The following NPEPPS variants were observed in gnomAD, a reference collection of about 807,000 sequenced individuals.
NPEPPS encodes the protein puromycin-sensitive aminopeptidase.
A neutral mutation model predicts 115.5 loss-of-function variants in NPEPPS; 14 were observed. The observed-to-expected ratio is 0.12, with a 90% CI of 0.08 to 0.19. The LOEUF is 0.19. Ranked by LOEUF, NPEPPS falls within the 10% of genes least tolerant of loss-of-function variation. The pLI is 1.00. For synonymous variants in NPEPPS, 285 were observed against 390.6 expected, an observed-to-expected ratio of 0.73 and a Z score of 3.19; for missense variants, 523 against 1,110.8, an observed-to-expected ratio of 0.47 and a Z score of 7.52.
chr17:47,578,017 C>T (rs1372873069), intron 3 of NPEPPS, among the ~76,000 whole-genome samples: 2 of 151,934 alleles, frequency 1.3e-5, no homozygotes, highest in Non-Finnish European at 2.9e-5. Flanking sequence ...ACCAGCTGGC[C>T]AACATGGCAA....
At chr17:47,558,973 G>A (rs571018681) in intron 2 of NPEPPS, among the ~76,000 whole-genome samples, 4 of 152,024 alleles carry the variant, frequency 2.6e-5, no homozygotes, top group Admixed American at 6.6e-5. Context: ...GGCGGACGGA[G>A]GTTGCAGTGA....
chr17:47,594,989 G>T (rs536044378), intron 12 of NPEPPS, among the ~76,000 whole-genome samples: 84 of 151,842 alleles, frequency 5.5e-4, no homozygotes, highest in African/African-American at 1.8e-3. Flanking sequence ...GAGTGCAGTG[G>T]TGCAGTCTTG....
intron 1 of NPEPPS, among the ~76,000 whole-genome samples, chr17:47,544,835 C>G (rs1158561584): frequency 6.9e-6 from 1 of 144,360 alleles, no homozygotes; most frequent in Non-Finnish European, 1.5e-5. Flanking sequence ...GCCCCTGCAT[C>G]GTGAGTAGCT....
At chr17:47,549,769 A>G (rs1451534000) in intron 2 of NPEPPS, among the ~76,000 whole-genome samples, 1 of 140,912 alleles carries the variant, frequency 7.1e-6, no homozygotes, top group Non-Finnish European at 1.5e-5. Context: ...CGACAGAGCA[A>G]GACTCTGTCT....
intron 1 of NPEPPS, among the ~76,000 whole-genome samples, chr17:47,535,549 C>CAAAAA (rs1002859470): frequency 4.5e-5 from 4 of 88,946 alleles, no homozygotes; most frequent in Admixed American, 1.2e-4. Flanking sequence ...GGCTCCGTCT[C>CAAAAA]AAAAAAAAAA....
upstream of NPEPPS, among the ~76,000 whole-genome samples, chr17:47,528,393 C>T (rs1907524524): frequency 6.6e-6 from 1 of 152,144 alleles, no homozygotes; most frequent in Non-Finnish European, 1.5e-5. Context: ...GGCCCCATCT[C>T]ACACCTTAGT....
intron 19 of NPEPPS, 31 bp downstream of exon 19, chr17:47,613,756 T>C: frequency 6.4e-7 from 1 of 1,562,742 alleles, no homozygotes; most frequent in African/African-American, 1.4e-5. Flanking sequence ...TCCCATTTCC[T>C]GCTTTTGAAC....
chr17:47,613,095 T>A (rs1227414882), intron 18 of NPEPPS, among the ~76,000 whole-genome samples: 1 of 152,102 alleles, frequency 6.6e-6, no homozygotes, highest in Non-Finnish European at 1.5e-5. Flanking sequence ...TTGTTTAAAG[T>A]TTCTCAGTCA....
chr17:47,570,509 A>G (rs1911130069), intron 3 of NPEPPS, among the ~76,000 whole-genome samples: 1 of 152,240 alleles, frequency 6.6e-6, no homozygotes, highest in Non-Finnish European at 1.5e-5. Flanking sequence ...GATGATTTTG[A>G]TATACAACCA....
At chr17:47,597,814 G>T (rs370887398) in intron 13 of NPEPPS, among the ~76,000 whole-genome samples, 2 of 152,264 alleles carry the variant, frequency 1.3e-5, no homozygotes, top group East Asian at 3.9e-4. Flanking sequence ...ACATTTTCAC[G>T]TGTAAGCTTG....
intron 22 of NPEPPS, among the ~76,000 whole-genome samples, chr17:47,621,131 T>C (rs1914538269): frequency 7.0e-6 from 1 of 143,182 alleles, no homozygotes; most frequent in South Asian, 2.2e-4. Flanking sequence ...TGATGAGCCA[T>C]GATCGTTTCA....
At chr17:47,612,039 C>T (rs1174788132) in intron 17 of NPEPPS, among the ~76,000 whole-genome samples, 1 of 152,100 alleles carries the variant, frequency 6.6e-6, no homozygotes, top group Non-Finnish European at 1.5e-5. Flanking sequence ...GGAATGGACC[C>T]ATCAGATTTT....
intron 1 of NPEPPS, among the ~76,000 whole-genome samples, chr17:47,537,508 A>G (rs1215508591): frequency 6.6e-6 from 1 of 152,172 alleles, no homozygotes; most frequent in African/African-American, 2.4e-5. Flanking sequence ...CCTGGACAAC[A>G]TGGTGAAACC....
At chr17:47,583,010 C>CTTTT (rs745447996) in intron 5 of NPEPPS, among the ~76,000 whole-genome samples, 161 bp downstream of exon 5, 3 of 135,144 alleles carry the variant, frequency 2.2e-5, no homozygotes, top group Admixed American at 7.4e-5. Flanking sequence ...CTTTTTCTTT[C>CTTTT]TTTTTTTTTT....
chr17:47,585,488 T>C lies in NPEPPS; in HGVS notation c.649-12T>C. ...AACCTATTTAAATTTTTCTTTTTTT[T>C]ATTTCTTAAAGAATGTAATTGACCG... On this transcript the variant is annotated splice_polypyrimidine_tract_variant and intron_variant, in intron 5 of 22. Coordinates refer to ENST00000322157, the MANE Select transcript of NPEPPS (RefSeq NM_006310.4). 6.2e-7 allele frequency: 1 copy of C among 1,603,230 alleles called. No homozygotes were observed. The highest frequency in any genetic ancestry group is 8.5e-7 in the Non-Finnish European group (1 of 1,171,808).
chr17:47,619,244 T>A, intron 21 of NPEPPS, 80 bp downstream of exon 21: 1 of 1,351,262 alleles, frequency 7.4e-7, no homozygotes, highest in African/African-American at 1.4e-5. Context: ...CCATACATTG[T>A]GGTCTTTGCT....
At chr17:47,603,600 T>A in intron 15 of NPEPPS, 1 of 204,514 alleles carries the variant, frequency 4.9e-6, no homozygotes, top group East Asian at 1.1e-4. Context: ...GTCCAGGTGT[T>A]TTCATATATA....
intron 2 of NPEPPS, among the ~76,000 whole-genome samples, chr17:47,550,035 C>T (rs541350726): frequency 1.8e-3 from 252 of 143,470 alleles, no homozygotes; most frequent in African/African-American, 6.0e-3. Flanking sequence ...CCCGGGTTCA[C>T]GCCATTCTCC....
At chr17:47,527,910 T>C (rs1316850312), upstream of NPEPPS, among the ~76,000 whole-genome samples, 1 of 148,204 alleles carries the variant, frequency 6.7e-6, no homozygotes. Flanking sequence ...ATCATGCCAT[T>C]GCAATCCAGC....
Sources: gnomAD v4.1 joint callset for allele counts (sites outside exome capture counted in the v4.1 genomes callset) on GRCh38, gnomAD v4.1.1 for gene constraint, MANE v1.5 for transcripts, NCBI Gene and HGNC (gene_info 2026-07-23, HGNC 2026-07-21) for gene names.